Variants in LIMS2 observed in about 807,000 individuals in gnomAD.
The protein encoded by LIMS2 is LIM and senescent cell antigen-like-containing domain protein 2.
Under a neutral mutation model 45.3 loss-of-function variants are expected in LIMS2, and 30 were observed. That is an observed-to-expected ratio of 0.66 (90% CI 0.50 to 0.90). The LOEUF is 0.90. LIMS2 is among the 40% of genes least tolerant of loss of function. The pLI, the probability that LIMS2 is intolerant of heterozygous loss-of-function variation, is 0.00. For missense variants in LIMS2, 485 were observed against 468.7 expected (o/e 1.03, Z -0.32); for synonymous variants, 173 against 188.0 (o/e 0.92, Z 0.65).
At chr2:127,661,868 C>T (rs2105320288) in intron 1 of LIMS2, among the ~76,000 whole-genome samples, 1 of 152,298 alleles carries the variant, frequency 6.6e-6, no homozygotes, top group East Asian at 1.9e-4. Flanking sequence ...AGCTGAGGGT[C>T]ACAGAGGATT....
Position 127,640,076 on chromosome 2 carries a change from G to A in LIMS2, c.872C>T (p.Thr291Ile). 1 of 1,613,438 alleles carries A rather than the reference G, an allele frequency of 6.2e-7. No individual in the cohort carries two copies. Among genetic ancestry groups the A allele is most frequent in the Middle Eastern group, 1.7e-4 (1 of 6,048 alleles). ...FSCSTCNSKLTLKNKFVEFDM... is the reference protein window; with the variant it reads ...FSCSTCNSKLILKNKFVEFDM... ...CACGATCACAGGGACTCACTTCAGGGTGAGCTTGCTGTTGCAGGTGGAGCA... is the reference window on the plus strand; with the variant it reads ...CACGATCACAGGGACTCACTTCAGGATGAGCTTGCTGTTGCAGGTGGAGCA... The change falls in exon 9 of 10, where the codon ACC (threonine) becomes ATC (isoleucine). Residue 291 changes from threonine (T) to isoleucine (I), a missense_variant. By Grantham distance (89) the Thr-to-Ile change is moderately conservative. Coordinates refer to ENST00000355119, the MANE Select transcript of LIMS2 (RefSeq NM_001161403.3).
Position 127,653,625 on chromosome 2 carries a change from C to T in LIMS2, c.359+799G>A, listed in dbSNP as rs534460943. Among the ~76,000 whole-genome samples the T allele has an allele frequency of 6.6e-6, 1 of 151,888 alleles. No homozygotes were observed. Among genetic ancestry groups the T allele is most frequent in the South Asian group, 2.1e-4 (1 of 4,732 alleles). ...GAGTGAGCAGGTGCAGCTGTGGGGG[C>T]GGGCAGAACCACAGGAACTCAGGGT... On this transcript the variant is annotated intron_variant, in intron 4 of 9. Transcript: ENST00000355119. The surrounding 1 kb of genome is among the most constrained non-coding windows in gnomAD (Gnocchi z 5.3).
At chr2:127,678,608 T>C (rs994327966), upstream of LIMS2, among the ~76,000 whole-genome samples, 2 of 152,098 alleles carry the variant, frequency 1.3e-5, no homozygotes, top group Non-Finnish European at 1.5e-5. The surrounding 1 kb of genome is among the most constrained non-coding windows in gnomAD (Gnocchi z 5.3). Context: ...ACCAACAGGA[T>C]TTGCTGGGAA....
At chr2:127,654,051 C>T (rs113872570) in intron 4 of LIMS2, among the ~76,000 whole-genome samples, 91 of 152,068 alleles carry the variant, frequency 6.0e-4, no homozygotes, top group African/African-American at 2.2e-3. Context: ...CTGGAGTACC[C>T]ATGAGGTTTG....
At chr2:127,643,674 A>G in intron 4 of LIMS2, 1 of 446,328 alleles carries the variant, frequency 2.2e-6, no homozygotes. Context: ...GTTGGACGAC[A>G]GCTGTGTTCT....
intron 4 of LIMS2, chr2:127,650,615 G>A (rs1357275656): frequency 3.6e-5 from 28 of 787,498 alleles, no homozygotes; most frequent in Non-Finnish European, 5.2e-5. Context: ...CTTGAAAGTG[G>A]GAGGTTCTGA....
In LIMS2 at chr2:127,653,409, C is replaced by A. The variant is rs1165075862; in HGVS notation, c.359+1015G>T. On this transcript the variant is annotated intron_variant, in intron 4 of 9. Coordinates refer to ENST00000355119, the MANE Select transcript of LIMS2 (RefSeq NM_001161403.3). This position sits in a 1 kb window ranked among gnomAD's most constrained non-coding sequence, Gnocchi z 5.3. ...TTGCGTTTGGGATGCCTGGTGGACA[C>A]CAAGTGGAGGTGACATGTGGGCAGC... Among the ~76,000 whole-genome samples the A allele has an allele frequency of 6.6e-6, 1 of 152,152 alleles. No homozygotes were observed. Among genetic ancestry groups the A allele is most frequent in the Non-Finnish European group, 1.5e-5 (1 of 68,042 alleles).
chr2:127,649,254 C>T (rs1055726884), intron 4 of LIMS2, among the ~76,000 whole-genome samples: 29 of 149,288 alleles, frequency 1.9e-4, no homozygotes, highest in Non-Finnish European at 6.0e-5. Context: ...CAGGCAGGAC[C>T]CCGGCTGTTC....
At chr2:127,678,275 G>A (rs934009190), upstream of LIMS2, among the ~76,000 whole-genome samples, 5 of 152,276 alleles carry the variant, frequency 3.3e-5, no homozygotes, top group Middle Eastern at 3.4e-3. The surrounding 1 kb of genome is among the most constrained non-coding windows in gnomAD (Gnocchi z 5.3). Flanking sequence ...AACATAGCAT[G>A]ACTCTGCCTC....
rs1683860648 is a variant in LIMS2, at chr2:127,652,048, G to C, written c.359+2376C>G. The C allele has an allele frequency of 5.0e-5, 21 of 417,850 alleles. No individual in the cohort carries two copies. In the South Asian group the frequency reaches 1.1e-3, roughly 22 times the overall value. 25.9% of individuals were successfully genotyped at this position (417,850 alleles called of 1,614,324 possible). ...CCGGAAGAACAACCCCTGAACAATG[G>C]AGGCCTTTCTTTCCCGCTAGGCTCC... On this transcript the variant is annotated intron_variant, in intron 4 of 9. Coordinates refer to ENST00000355119, the MANE Select transcript of LIMS2 (RefSeq NM_001161403.3).
At position 127,653,431 on chromosome 2, in the gene LIMS2, C is replaced by G. The variant is rs1684000381; in HGVS notation, c.359+993G>C. Among the ~76,000 whole-genome samples the G allele has an allele frequency of 6.6e-6, 1 of 152,198 alleles. No individual in the cohort carries two copies. Among genetic ancestry groups the G allele is most frequent in the Non-Finnish European group, 1.5e-5 (1 of 68,036 alleles). On this transcript the variant is annotated intron_variant, in intron 4 of 9. Transcript: ENST00000355119. The surrounding 1 kb of genome is among the most constrained non-coding windows in gnomAD (Gnocchi z 5.3). The stretch of plus-strand genomic sequence containing the variant: ...ACACCAAGTGGAGGTGACATGTGGG[C>G]AGCTGAGGACAGCGAGAGAGAGGCC...
At chr2:127,660,851 T>A (rs917237872) in intron 1 of LIMS2, among the ~76,000 whole-genome samples, 2 of 146,050 alleles carry the variant, frequency 1.4e-5, no homozygotes, top group Non-Finnish European at 3.0e-5. Context: ...GTTCCTCGGC[T>A]GGTCCCTGAA....
Position 127,640,998 on chromosome 2 carries a change from C to T in LIMS2, c.661-10G>A. 6.2e-7 allele frequency: 1 copy of T among 1,612,996 alleles called. No individual in the cohort carries two copies. Among genetic ancestry groups the T allele is most frequent in the Non-Finnish European group, 8.5e-7 (1 of 1,179,354 alleles). ...TGGCACAGACAAAGTGCTGCAAGGA[C>T]AAAGGGCGGGCCGGGTGGCATCAGG... is the stretch of plus-strand genomic sequence containing the variant. On this transcript the variant is annotated splice_polypyrimidine_tract_variant and intron_variant, in intron 6 of 9. Coordinates refer to ENST00000355119, the MANE Select transcript of LIMS2 (RefSeq NM_001161403.3).
Position 127,653,693 on chromosome 2 carries a change from T to C in LIMS2, c.359+731A>G, listed in dbSNP as rs184682516. Among the ~76,000 whole-genome samples the C allele has an allele frequency of 3.3e-5, 5 of 151,408 alleles. No homozygotes were observed. The East Asian group carries it at 9.8e-4, about 30-fold the overall frequency. On this transcript the variant is annotated intron_variant, in intron 4 of 9. Transcript: ENST00000355119. This position sits in a 1 kb window ranked among gnomAD's most constrained non-coding sequence, Gnocchi z 5.3. ...GGGCGTTTCTGCACCTCAGCAGCTG[T>C]GGTGAGGGCTGCTGAGGGGTCAAGA... is the stretch of plus-strand genomic sequence containing the variant.
intron 4 of LIMS2, chr2:127,650,936 C>G: frequency 6.2e-7 from 1 of 1,614,000 alleles, no homozygotes; most frequent in South Asian, 1.1e-5. Flanking sequence ...CCCCGGCCAA[C>G]GTGTTCCTGA....
upstream of LIMS2, among the ~76,000 whole-genome samples, chr2:127,676,925 C>T (rs2105352260): frequency 6.6e-6 from 1 of 152,336 alleles, no homozygotes; most frequent in East Asian, 1.9e-4. Flanking sequence ...GGCCCATGCT[C>T]TCCACAGAGG....
chr2:127,647,310 A>C lies in LIMS2; in HGVS notation c.360-4238T>G, dbSNP rs1683097167. Among the ~76,000 whole-genome samples the C allele has an allele frequency of 6.6e-6, 1 of 152,090 alleles. No individual in the cohort carries two copies. Among genetic ancestry groups the C allele is most frequent in the Non-Finnish European group, 1.5e-5 (1 of 67,980 alleles). On this transcript the variant is annotated intron_variant, in intron 4 of 9. Coordinates refer to ENST00000355119, the MANE Select transcript of LIMS2 (RefSeq NM_001161403.3). This position sits in a 1 kb window ranked among gnomAD's most constrained non-coding sequence, Gnocchi z 4.3. The stretch of plus-strand genomic sequence containing the variant: ...ACTCTGAGACTGAGTCACACTCCCC[A>C]CCCTGGCGGTCTTCCAGGGAGTGAG...
intron 4 of LIMS2, chr2:127,650,389 AG>A (rs1473963852): frequency 1.9e-6 from 1 of 530,242 alleles, no homozygotes; most frequent in Non-Finnish European, 3.3e-6. Flanking sequence ...CACCCAGGCA[AG>A]GCTCACGTCC....
At chr2:127,660,297 G>C (rs764421163) in intron 1 of LIMS2, among the ~76,000 whole-genome samples, 2 of 152,184 alleles carry the variant, frequency 1.3e-5, no homozygotes, top group African/African-American at 4.8e-5. Flanking sequence ...CAGGCCACTC[G>C]AACCCACAGC....
Sources: gnomAD v4.1 joint callset for allele counts (sites outside exome capture counted in the v4.1 genomes callset) on GRCh38, gnomAD v4.1.1 for gene constraint, Gnocchi (gnomAD v3.1) non-coding constraint, MANE v1.5 for transcripts, NCBI Gene and HGNC (gene_info 2026-07-23, HGNC 2026-07-21) for gene names.